The following RIMS1 variants were observed in gnomAD, a reference collection of about 807,000 sequenced individuals.
RIMS1 encodes the protein regulating synaptic membrane exocytosis protein 1.
RIMS1 carries 83 observed loss-of-function variants against 214.1 expected under a neutral mutation model. That is an observed-to-expected ratio of 0.39 (90% CI 0.32 to 0.47). The LOEUF (loss-of-function observed/expected upper bound fraction) is 0.47, where lower values mean the gene tolerates loss of function less well. RIMS1 is among the 20% of genes least tolerant of loss of function. The pLI is 0.99. For missense variants in RIMS1, 2,050 were observed against 2,161.8 expected (o/e 0.95, Z 1.03); for synonymous variants, 793 against 786.8 (o/e 1.01, Z -0.13).
rs138650965 is a variant in RIMS1 at position 72,374,561 on chromosome 6, T to C, written c.4367-16037T>C. ...TATTTGCCTATTTTCTCTCTTGTCATATCCATACTTTGAGCTAGAGTAGAT... is the reference window on the plus strand; with the variant it reads ...TATTTGCCTATTTTCTCTCTTGTCACATCCATACTTTGAGCTAGAGTAGAT... On this transcript the variant is annotated intron_variant, in intron 29 of 33. Transcript: ENST00000521978. Among the ~76,000 whole-genome samples the C allele has an allele frequency of 2.5e-3, 385 of 152,316 alleles. 1 individual carries two copies. The highest frequency in any genetic ancestry group is 8.5e-3 in the African/African-American group (355 of 41,558).
chr6:72,110,169 T>A (rs1197956123), intron 4 of RIMS1, among the ~76,000 whole-genome samples: 2 of 152,346 alleles, frequency 1.3e-5, no homozygotes, highest in East Asian at 1.9e-4. Context: ...GGCTTAGGAA[T>A]GACTTGGCAA....
At chr6:72,101,318 A>G (rs943792126) in intron 4 of RIMS1, among the ~76,000 whole-genome samples, 1 of 151,910 alleles carries the variant, frequency 6.6e-6, no homozygotes, top group Admixed American at 6.6e-5. Flanking sequence ...ATCACTTTCA[A>G]TTATTTTCTT....
At chr6:71,969,164 G>C in intron 2 of RIMS1, 101 bp downstream of exon 2, 1 of 1,112,000 alleles carries the variant, frequency 9.0e-7, no homozygotes, top group Non-Finnish European at 1.4e-6. Flanking sequence ...TACTCTGGCT[G>C]CTCTTGTATA....
At chr6:71,894,631 AC>A (rs1771075274) in intron 1 of RIMS1, among the ~76,000 whole-genome samples, 1 of 152,216 alleles carries the variant, frequency 6.6e-6, no homozygotes, top group Non-Finnish European at 1.5e-5. Flanking sequence ...CCTGCAGTTT[AC>A]CAAAGACATC....
rs886807463 is a variant in RIMS1, at chr6:72,163,216, G to C, written c.472-16359G>C. The stretch of plus-strand genomic sequence containing the variant: ...TCTGCATTCATCACATAGTTCTTGT[G>C]CCATGGTTTTCAGCTCCATCAGGTC... On this transcript the variant is annotated intron_variant, in intron 4 of 33. Coordinates refer to ENST00000521978, the MANE Select transcript of RIMS1 (RefSeq NM_014989.7). Among the ~76,000 whole-genome samples the C allele has an allele frequency of 5.0e-5, 7 of 139,762 alleles. 1 individual carries two copies. Among genetic ancestry groups the C allele is most frequent in the African/African-American group, 9.9e-5 (4 of 40,500 alleles). 91.7% of individuals were successfully genotyped at this position (139,762 alleles called of 152,430 possible). A position where few individuals can be genotyped will look rare whatever the true frequency, so the allele number is the denominator to read the frequency against.
At chr6:72,387,423 C>G (rs2098632665) in intron 29 of RIMS1, among the ~76,000 whole-genome samples, 1 of 152,204 alleles carries the variant, frequency 6.6e-6, no homozygotes, top group Non-Finnish European at 1.5e-5. Flanking sequence ...GTAATATACC[C>G]CTGGGGCTTA....
At chr6:72,369,502 A>G (rs1434485089) in intron 29 of RIMS1, among the ~76,000 whole-genome samples, 1 of 152,204 alleles carries the variant, frequency 6.6e-6, no homozygotes, top group Non-Finnish European at 1.5e-5. Flanking sequence ...TCATGAGAGA[A>G]GGGTACACTA....
At chr6:72,282,076 T>A (rs2090390127) in intron 23 of RIMS1, among the ~76,000 whole-genome samples, 1 of 151,996 alleles carries the variant, frequency 6.6e-6, no homozygotes, top group Non-Finnish European at 1.5e-5. Flanking sequence ...GACAGTAAGT[T>A]TTGTGGGTCT....
At chr6:72,021,084 A>G (rs1040957321) in intron 2 of RIMS1, among the ~76,000 whole-genome samples, 5 of 152,254 alleles carry the variant, frequency 3.3e-5, no homozygotes, top group African/African-American at 1.2e-4. Context: ...TCATAAGAAC[A>G]TGCCCATAGA....
At chr6:72,326,728 A>G (rs1259999085) in intron 28 of RIMS1, among the ~76,000 whole-genome samples, 1 of 151,788 alleles carries the variant, frequency 6.6e-6, no homozygotes, top group Admixed American at 6.6e-5. Flanking sequence ...AAGGGTTCCT[A>G]TATCATAATC....
chr6:72,226,249 TGAACATCATG>T lies in RIMS1; in HGVS notation c.1679-7522_1679-7513del, dbSNP rs532543845. On this transcript the variant is annotated intron_variant, in intron 6 of 33. Coordinates refer to ENST00000521978, the MANE Select transcript of RIMS1 (RefSeq NM_014989.7). ...AATGTAGAGGTAAGAAAGATGGCAT[TGAACATCATG>T]GTGTTTTGGGAATGTTTCTGGACCC... 1.1e-4 allele frequency among the ~76,000 whole-genome samples: 16 copies of T among 152,216 alleles called. No homozygotes were observed. The East Asian group carries it at 2.9e-3, about 27-fold the overall frequency.
intron 1 of RIMS1, among the ~76,000 whole-genome samples, chr6:71,944,391 C>T (rs1787131754): frequency 6.6e-6 from 1 of 152,102 alleles, no homozygotes; most frequent in African/African-American, 2.4e-5. Flanking sequence ...ACCTGGGGCA[C>T]AGTGTTGGGA....
intron 24 of RIMS1, among the ~76,000 whole-genome samples, chr6:72,286,974 T>C (rs1305650846): frequency 6.6e-6 from 1 of 152,238 alleles, no homozygotes; most frequent in Non-Finnish European, 1.5e-5. Flanking sequence ...GATTTATATT[T>C]TTTGTGTCAA....
intron 4 of RIMS1, among the ~76,000 whole-genome samples, chr6:72,128,221 G>A (rs952483946): frequency 1.3e-4 from 20 of 152,174 alleles, no homozygotes; most frequent in Admixed American, 3.3e-4. Context: ...GTTAAAGCTG[G>A]CAAAAGTCTT....
At chr6:72,215,317 C>T (rs1054219883) in intron 6 of RIMS1, among the ~76,000 whole-genome samples, 1 of 152,158 alleles carries the variant, frequency 6.6e-6, no homozygotes. Context: ...TCATTATAGG[C>T]CCCCCGCTGC....
At chr6:72,396,357 A>G (rs1404026207) in intron 31 of RIMS1, among the ~76,000 whole-genome samples, 2 of 152,176 alleles carry the variant, frequency 1.3e-5, no homozygotes, top group East Asian at 3.8e-4. Context: ...ATAAGTAGCA[A>G]AGACATTCAG....
At chr6:72,148,697 G>A (rs2043081327) in intron 4 of RIMS1, 3 of 410,626 alleles carry the variant, frequency 7.3e-6, no homozygotes, top group Admixed American at 3.1e-5. Flanking sequence ...TAACCTTTGG[G>A]TTTGCGGAGA....
intron 2 of RIMS1, among the ~76,000 whole-genome samples, chr6:72,054,237 T>C (rs1825526771): frequency 6.6e-6 from 1 of 152,176 alleles, no homozygotes; most frequent in African/African-American, 2.4e-5. Flanking sequence ...TTCATCCATG[T>C]CCCTGCAAAT....
At chr6:71,907,847 C>T (rs971629180) in intron 1 of RIMS1, among the ~76,000 whole-genome samples, 11 of 152,128 alleles carry the variant, frequency 7.2e-5, no homozygotes, top group African/African-American at 2.4e-4. Context: ...TTTTCCATAG[C>T]ATTTATGAAA....
Sources: gnomAD v4.1 joint callset for allele counts (sites outside exome capture counted in the v4.1 genomes callset) on GRCh38, gnomAD v4.1.1 for gene constraint, MANE v1.5 for transcripts, NCBI Gene and HGNC (gene_info 2026-07-23, HGNC 2026-07-21) for gene names.